Variants in TMEM266 observed in about 807,000 individuals in gnomAD.
The protein encoded by TMEM266 is Hv1 related protein 1.
TMEM266 carries 33 observed loss-of-function variants against 50.5 expected under a neutral mutation model. The ratio of observed to expected loss-of-function variants is 0.65; its 90% CI spans 0.50 to 0.87. The LOEUF (loss-of-function observed/expected upper bound fraction) is 0.87. Among genes scored for constraint, TMEM266 ranks in the 40% least tolerant of loss-of-function variants. The pLI, the probability that TMEM266 is intolerant of heterozygous loss-of-function variation, is 0.00. For synonymous variants in TMEM266, 310 were observed against 292.3 expected, an observed-to-expected ratio of 1.06 and a Z score of -0.62; for missense variants, 655 against 695.1, an observed-to-expected ratio of 0.94 and a Z score of 0.65.
intron 1 of TMEM266, among the ~76,000 whole-genome samples, chr15:76,100,890 T>C (rs1596104267): frequency 6.6e-6 from 1 of 152,264 alleles, no homozygotes; most frequent in East Asian, 1.9e-4. Context: ...GAAAAAGACT[T>C]GAAAGACCAC....
At chr15:76,064,832 G>C (rs140786179) in intron 1 of TMEM266, among the ~76,000 whole-genome samples, 19 of 152,340 alleles carry the variant, frequency 1.2e-4, no homozygotes, top group Admixed American at 1.1e-3. Context: ...CTGTCAAGCC[G>C]TAATGCATGC....
chr15:76,156,619 G>C lies in TMEM266; in HGVS notation c.243G>C (p.Lys81Asn). The C allele has an allele frequency of 6.2e-7, 1 of 1,614,076 alleles. No individual in the cohort carries two copies. The highest frequency in any genetic ancestry group is 1.3e-5 in the African/African-American group (1 of 75,058). The change falls in exon 4 of 11, where the codon AAG becomes AAC. Residue 81 changes from lysine to asparagine, a missense_variant. Lys to Asn is a moderately conservative substitution (Grantham distance 94, BLOSUM62 0). This residue lies in a region of TMEM266 where 99 missense variants were observed against 110.8 expected (regional missense o/e 0.89). Transcript: ENST00000388942. Reference sequence around the variant, plus strand: ...GTCCCCACAGGTCTAACTGGCTGAAGCCGTGCTGTGGGAAGAGAGCAGCCG... The same window carrying C: ...GTCCCCACAGGTCTAACTGGCTGAACCCGTGCTGTGGGAAGAGAGCAGCCG...
chr15:76,101,152 A>G (rs2036994019), intron 1 of TMEM266, among the ~76,000 whole-genome samples: 1 of 152,148 alleles, frequency 6.6e-6, no homozygotes, highest in South Asian at 2.1e-4. Flanking sequence ...TGAATTAGTG[A>G]CTTTCCCAGG....
At position 76,126,316 on chromosome 15, in the gene TMEM266, C is replaced by T. The variant is rs538214332; in HGVS notation, c.-96-7852C>T. ...CACAATGTCCAAGATTTGGAAGCAA[C>T]CTAAGTGTCCATCAATAGACAAATA... is the stretch of plus-strand genomic sequence containing the variant. On this transcript the variant is annotated intron_variant, in intron 1 of 10. Coordinates refer to ENST00000388942, the MANE Select transcript of TMEM266 (RefSeq NM_152335.3). Among the ~76,000 whole-genome samples, 9 of 149,642 alleles carry T rather than the reference C, an allele frequency of 6.0e-5. No individual in the cohort carries two copies. The South Asian group carries it at 1.9e-3, about 32-fold the overall frequency.
At chr15:76,106,222 A>C (rs1054230868) in intron 1 of TMEM266, among the ~76,000 whole-genome samples, 1 of 152,132 alleles carries the variant, frequency 6.6e-6, no homozygotes, top group Non-Finnish European at 1.5e-5. Context: ...GGAGAATCAA[A>C]GATCCGCACT....
At chr15:76,084,094 C>T (rs1235944422) in intron 1 of TMEM266, among the ~76,000 whole-genome samples, 2 of 152,080 alleles carry the variant, frequency 1.3e-5, no homozygotes, top group Non-Finnish European at 2.9e-5. Context: ...AGGTGGATCA[C>T]CAGAGCCCAG....
At chr15:76,116,931 C>A (rs1017494436) in intron 1 of TMEM266, among the ~76,000 whole-genome samples, 5 of 138,132 alleles carry the variant, frequency 3.6e-5, no homozygotes, top group African/African-American at 5.4e-5. Flanking sequence ...CGGAGTTTCG[C>A]TCTTGTTGCC....
At chr15:76,080,927 A>G (rs1328144994) in intron 1 of TMEM266, among the ~76,000 whole-genome samples, 1 of 105,906 alleles carries the variant, frequency 9.4e-6, no homozygotes, top group Non-Finnish European at 2.1e-5. Context: ...TTTTTTTTTT[A>G]ATTTGTAGAG....
chr15:76,122,845 G>T (rs999408430), intron 1 of TMEM266, among the ~76,000 whole-genome samples: 2 of 152,200 alleles, frequency 1.3e-5, no homozygotes, highest in East Asian at 3.8e-4. Flanking sequence ...TCTCAGTGGG[G>T]TCACTTACAG....
chr15:76,129,566 G>A (rs1015164936), intron 1 of TMEM266, among the ~76,000 whole-genome samples: 17 of 152,168 alleles, frequency 1.1e-4, no homozygotes, highest in African/African-American at 2.9e-4. Flanking sequence ...ACTTGAACCC[G>A]GGAGGTGGAG....
At chr15:76,151,803 G>A (rs915745254) in intron 3 of TMEM266, among the ~76,000 whole-genome samples, 3 of 152,186 alleles carry the variant, frequency 2.0e-5, no homozygotes, top group African/African-American at 4.8e-5. Flanking sequence ...GCAAGCACGG[G>A]GAAGGGCTGA....
At chr15:76,130,494 C>T (rs1181251044) in intron 1 of TMEM266, among the ~76,000 whole-genome samples, 8 of 152,168 alleles carry the variant, frequency 5.3e-5, no homozygotes, top group South Asian at 4.1e-4. Context: ...GAGCCAAGAT[C>T]GCGCCAGCGC....
chr15:76,176,098 G>A (rs2038272645), intron 8 of TMEM266: 1 of 178,574 alleles, frequency 5.6e-6, no homozygotes, highest in African/African-American at 2.4e-5. Context: ...AGATGCTAGC[G>A]GTGCTCTCTA....
At chr15:76,080,740 C>T (rs957667642) in intron 1 of TMEM266, among the ~76,000 whole-genome samples, 3 of 151,932 alleles carry the variant, frequency 2.0e-5, no homozygotes, top group African/African-American at 4.8e-5. Context: ...TGTATGGACA[C>T]GCCATGGATT....
At chr15:76,078,102 A>C (rs1436226818) in intron 1 of TMEM266, among the ~76,000 whole-genome samples, 1 of 152,108 alleles carries the variant, frequency 6.6e-6, no homozygotes, top group Non-Finnish European at 1.5e-5. Flanking sequence ...AAGAGAAGCC[A>C]GAGAACTACA....
At position 76,192,068 on chromosome 15, in the gene TMEM266, C is replaced by T. The variant is rs768333397; in HGVS notation, c.869C>T (p.Pro290Leu). 18 of 1,485,952 alleles carry T rather than the reference C, an allele frequency of 1.2e-5. No homozygotes were observed. The highest frequency in any genetic ancestry group is 2.4e-4 in the Middle Eastern group (1 of 4,124). The allele number at this position is 1,485,952 out of a possible 1,614,324, so 92.0% of individuals were successfully genotyped here. The change falls in exon 9 of 11, where the codon CCG (proline) becomes CTG (leucine). Residue 290 changes from proline to leucine, a missense_variant. This residue lies in a region of TMEM266 where 455 missense variants were observed against 401.8 expected (regional missense o/e 1.13). Coordinates refer to ENST00000388942, the MANE Select transcript of TMEM266 (RefSeq NM_152335.3). ...CAGGCCCCGCACGTGCTCAGCCAGC[C>T]GCGCAGCCGCTTCAAAGTGTTGGAG...
chr15:76,158,058 C>A (rs957944818), intron 4 of TMEM266, among the ~76,000 whole-genome samples: 3 of 152,128 alleles, frequency 2.0e-5, no homozygotes, highest in Admixed American at 6.5e-5. Context: ...CAGAGAGATT[C>A]TTTTCCTTCC....
chr15:76,151,877 T>G (rs149848204), intron 3 of TMEM266, among the ~76,000 whole-genome samples: 3 of 152,228 alleles, frequency 2.0e-5, no homozygotes, highest in Admixed American at 6.5e-5. Context: ...TTCCACTGAG[T>G]ATCGAGGACC....
rs1489889233 is a variant in TMEM266, at chr15:76,195,038, T to C, written c.958+2881T>C. 3.9e-5 allele frequency among the ~76,000 whole-genome samples: 6 copies of C among 152,272 alleles called. No homozygotes were observed. The East Asian group carries it at 1.2e-3, about 29-fold the overall frequency. Reference sequence around the variant, plus strand: ...CATTCTAGAGGAATGGAACAACCTTTAGTTCTGTAAATGTTCTGTACGGTT... The same window carrying C: ...CATTCTAGAGGAATGGAACAACCTTCAGTTCTGTAAATGTTCTGTACGGTT... On this transcript the variant is annotated intron_variant, in intron 9 of 10. Transcript: ENST00000388942.
Sources: allele counts gnomAD v4.1 joint callset (sites outside exome capture counted in the v4.1 genomes callset), GRCh38; gene constraint gnomAD v4.1.1; regional missense constraint gnomAD v4.1.1; transcripts MANE v1.5; gene names NCBI Gene and HGNC (gene_info 2026-07-23, HGNC 2026-07-21).